RHOA: variants seen among roughly 807,000 people sequenced by gnomAD.
RHOA encodes the protein transforming protein RhoA.
Under a neutral mutation model 17.5 loss-of-function variants are expected in RHOA, and 3 were observed. The ratio of observed to expected loss-of-function variants is 0.17; its 90% CI spans 0.08 to 0.44. The LOEUF is 0.44. RHOA is among the 20% of genes least tolerant of loss of function. The probability of loss-of-function intolerance (pLI) is 0.99; values close to 1 mark genes in which losing one functional copy is unlikely to be tolerated. For synonymous variants in RHOA, 98 were observed against 88.4 expected, an observed-to-expected ratio of 1.11 and a Z score of -0.61; for missense variants, 56 against 242.3, an observed-to-expected ratio of 0.23 and a Z score of 5.10.
chr3:49,405,936 C>T lies in RHOA; in HGVS notation c.-3+5884G>A, dbSNP rs542554402. Among the ~76,000 whole-genome samples, 24 of 152,248 alleles carry T rather than the reference C, an allele frequency of 1.6e-4. No homozygotes were observed. In the South Asian group the frequency reaches 2.7e-3, roughly 17 times the overall value. On this transcript the variant is annotated intron_variant, in intron 1 of 4. Coordinates refer to ENST00000418115, the MANE Select transcript of RHOA (RefSeq NM_001664.4). Reference sequence around the variant, plus strand: ...CTGACCTCAGGTGACCCACCCACCTCGGCCTCCCAAAGTGCTGGGATAACT... The same window carrying T: ...CTGACCTCAGGTGACCCACCCACCTTGGCCTCCCAAAGTGCTGGGATAACT...
intron 3 of RHOA, among the ~76,000 whole-genome samples, chr3:49,363,246 G>A (rs553401384): frequency 3.8e-4 from 58 of 151,612 alleles, no homozygotes; most frequent in African/African-American, 8.5e-4. Flanking sequence ...GTGAAACCCC[G>A]TCTCTACTAA....
At position 49,362,488 on chromosome 3, in the gene RHOA, G is replaced by C. The variant is rs1319482679; in HGVS notation, c.408+8C>G. The C allele has an allele frequency of 1.2e-6, 2 of 1,608,018 alleles. No individual in the cohort carries two copies. Among genetic ancestry groups the C allele is most frequent in the African/African-American group, 1.3e-5 (1 of 74,732 alleles). ...AATACTACAAGACAGTCCTGCCCCAGATCATGCCTGCTTCATCTTGGCTAG... is the reference window on the plus strand; with the variant it reads ...AATACTACAAGACAGTCCTGCCCCACATCATGCCTGCTTCATCTTGGCTAG... On this transcript the variant is annotated splice_region_variant and intron_variant, in intron 4 of 4. Coordinates refer to ENST00000418115, the MANE Select transcript of RHOA (RefSeq NM_001664.4).
intron 1 of RHOA, among the ~76,000 whole-genome samples, chr3:49,384,803 G>T (rs764908559): frequency 6.6e-6 from 1 of 152,104 alleles, no homozygotes; most frequent in Non-Finnish European, 1.5e-5. Flanking sequence ...GCTCACGCCT[G>T]TAATCCAAGT....
intron 3 of RHOA, among the ~76,000 whole-genome samples, chr3:49,368,111 C>G (rs1331086438): frequency 6.6e-6 from 1 of 151,952 alleles, no homozygotes; most frequent in Non-Finnish European, 1.5e-5. Context: ...GGGGTTTCAC[C>G]ATGTTGGCCA....
Position 49,375,609 on chromosome 3 carries a change from G to A in RHOA, c.-2-18C>T, listed in dbSNP as rs753396273. ...AGCCATTGCTGAAACACAAAACACA[G>A]ATATTACCTGCAATGCACAAGAAGT... On this transcript the variant is annotated intron_variant, in intron 1 of 4. Transcript: ENST00000418115. The A allele has an allele frequency of 6.2e-7, 1 of 1,610,558 alleles. No homozygotes were observed. Among genetic ancestry groups the A allele is most frequent in the Non-Finnish European group, 8.5e-7 (1 of 1,178,066 alleles).
intron 2 of RHOA, among the ~76,000 whole-genome samples, chr3:49,369,608 G>A (rs1412224580): frequency 2.0e-5 from 3 of 151,768 alleles, no homozygotes; most frequent in Non-Finnish European, 2.9e-5. Flanking sequence ...GGCAGCGTGC[G>A]CCTGTAGTCC....
chr3:49,393,586 C>T (rs532427401), intron 1 of RHOA, among the ~76,000 whole-genome samples: 4 of 143,758 alleles, frequency 2.8e-5, no homozygotes, highest in Non-Finnish European at 6.0e-5. Flanking sequence ...GTGTAGGCCA[C>T]TGCACTGGCT....
chr3:49,384,813 T>C (rs959085234), intron 1 of RHOA, among the ~76,000 whole-genome samples: 4 of 151,976 alleles, frequency 2.6e-5, no homozygotes, highest in Non-Finnish European at 5.9e-5. Context: ...GTAATCCAAG[T>C]ACTTTGGGAG....
At chr3:49,378,396 GC>G (rs2048267630) in intron 1 of RHOA, among the ~76,000 whole-genome samples, 2 of 151,190 alleles carry the variant, frequency 1.3e-5, no homozygotes, top group African/African-American at 4.9e-5. Context: ...ACAGGCATGC[GC>G]CACCACGCCC....
intron 1 of RHOA, among the ~76,000 whole-genome samples, chr3:49,393,676 C>CTGTGTGTG (rs71080504): frequency 0.014 from 142 of 10,336 alleles, 2 homozygotes; most frequent in African/African-American, 0.032. Context: ...AATTCTCTCT[C>CTGTGTGTG]TGTGTGTGTG....
chr3:49,373,213 A>G (rs1228463616), intron 2 of RHOA: 1 of 190,328 alleles, frequency 5.3e-6, no homozygotes, highest in Non-Finnish European at 1.2e-5. Flanking sequence ...GCTTGGTGGC[A>G]GGCACCTGTA....
In RHOA at chr3:49,379,707, G is replaced by T. The variant is rs180802920; in HGVS notation, c.-2-4116C>A. ...TTTTTTGTATTTTTAGTAGTGACCGGGTTTCACCACGTTGCCCCAGCTGCT... is the reference window on the plus strand; with the variant it reads ...TTTTTTGTATTTTTAGTAGTGACCGTGTTTCACCACGTTGCCCCAGCTGCT... On this transcript the variant is annotated intron_variant, in intron 1 of 4. Coordinates refer to ENST00000418115, the MANE Select transcript of RHOA (RefSeq NM_001664.4). Among the ~76,000 whole-genome samples the T allele has an allele frequency of 2.0e-5, 3 of 152,112 alleles. No individual in the cohort carries two copies. The East Asian group carries it at 5.8e-4, about 29-fold the overall frequency.
chr3:49,395,804 G>A (rs2048605898), intron 1 of RHOA, among the ~76,000 whole-genome samples: 1 of 152,106 alleles, frequency 6.6e-6, no homozygotes, highest in African/African-American at 2.4e-5. Flanking sequence ...ACTATGGCAA[G>A]GGTATGAGGG....
intron 1 of RHOA, among the ~76,000 whole-genome samples, chr3:49,386,681 A>G (rs1183679870): frequency 6.6e-6 from 1 of 152,170 alleles, no homozygotes; most frequent in African/African-American, 2.4e-5. Flanking sequence ...GTGACACTGA[A>G]AGACTCGATT....
At chr3:49,368,631 T>A in intron 2 of RHOA, 83 bp from the exon 3 acceptor site, 1 of 1,466,278 alleles carries the variant, frequency 6.8e-7, no homozygotes, top group Non-Finnish European at 9.5e-7. Context: ...CCATAGTACA[T>A]TGAAATGGCA....
chr3:49,360,477 CTTTT>C, intron 4 of RHOA, 95 bp from the exon 5 acceptor site: 1 of 1,364,878 alleles, frequency 7.3e-7, no homozygotes, highest in Non-Finnish European at 9.8e-7. Flanking sequence ...ATTTTTTTTT[CTTTT>C]TTTGAGACAG....
intron 1 of RHOA, among the ~76,000 whole-genome samples, chr3:49,402,008 T>A (rs1308578111): frequency 6.6e-6 from 1 of 152,110 alleles, no homozygotes; most frequent in African/African-American, 2.4e-5. Flanking sequence ...GCAGCAGGAA[T>A]AAGGCACATG....
intron 1 of RHOA, among the ~76,000 whole-genome samples, chr3:49,380,322 T>A (rs999135821): frequency 6.6e-6 from 1 of 152,152 alleles, no homozygotes; most frequent in African/African-American, 2.4e-5. Context: ...CTACCTTCCA[T>A]GTTTCTTCCA....
chr3:49,381,207 C>G (rs1242361754), intron 1 of RHOA, among the ~76,000 whole-genome samples: 3 of 151,312 alleles, frequency 2.0e-5, no homozygotes, highest in Admixed American at 1.3e-4. Context: ...GAGTTCAAGA[C>G]CAGCCTGGCC....
Sources: gnomAD v4.1 joint callset for allele counts (sites outside exome capture counted in the v4.1 genomes callset) on GRCh38, gnomAD v4.1.1 for gene constraint, MANE v1.5 for transcripts, NCBI Gene and HGNC (gene_info 2026-07-23, HGNC 2026-07-21) for gene names.